Variants in PCBD2 observed in about 807,000 individuals in gnomAD.
PCBD2 encodes the protein pterin-4-alpha-carbinolamine dehydratase 2.
In PCBD2, 12 loss-of-function variants were observed where a neutral mutation model predicts 16.4. The observed-to-expected ratio is 0.73, with a 90% CI of 0.47 to 1.19. The LOEUF (loss-of-function observed/expected upper bound fraction) is 1.19, where lower values mean the gene tolerates loss of function less well. Among genes scored for constraint, PCBD2 ranks in the 50% most tolerant of loss-of-function variants. The pLI is 0.00. For missense variants in PCBD2, 138 were observed against 156.8 expected, an observed-to-expected ratio of 0.88 and a Z score of 0.64; for synonymous variants, 58 against 61.8, an observed-to-expected ratio of 0.94 and a Z score of 0.29.
At chr5:134,910,080 A>G (rs1278935643) in intron 1 of PCBD2, among the ~76,000 whole-genome samples, 3 of 152,106 alleles carry the variant, frequency 2.0e-5, no homozygotes, top group Non-Finnish European at 4.4e-5. Flanking sequence ...GAAACAACCA[A>G]CCAACCAACC....
chr5:134,938,416 A>C (rs1256080316), intron 2 of PCBD2, among the ~76,000 whole-genome samples: 1 of 152,188 alleles, frequency 6.6e-6, no homozygotes, highest in Non-Finnish European at 1.5e-5. Context: ...TTTGTTTATA[A>C]AATGATGTGG....
At chr5:134,939,753 A>G (rs529234213) in intron 2 of PCBD2, among the ~76,000 whole-genome samples, 81 of 152,274 alleles carry the variant, frequency 5.3e-4, no homozygotes, top group Middle Eastern at 3.4e-3. Context: ...TAGATTGGAC[A>G]CTTAACTACC....
At chr5:134,917,292 G>T (rs1317107572) in intron 2 of PCBD2, among the ~76,000 whole-genome samples, 1 of 152,238 alleles carries the variant, frequency 6.6e-6, no homozygotes, top group Non-Finnish European at 1.5e-5. Context: ...GCCGGGCCAG[G>T]CGGCAACACC....
chr5:134,933,915 A>G (rs1316994153), intron 2 of PCBD2, among the ~76,000 whole-genome samples: 3 of 152,230 alleles, frequency 2.0e-5, no homozygotes, highest in East Asian at 1.9e-4. Flanking sequence ...TGTAGCCACC[A>G]TTCTCACAGC....
intron 2 of PCBD2, among the ~76,000 whole-genome samples, chr5:134,941,761 C>T (rs958743481): frequency 5.3e-5 from 8 of 152,052 alleles, no homozygotes; most frequent in Admixed American, 1.3e-4. Flanking sequence ...AAAAAAACTA[C>T]GTAATAATTT....
intron 2 of PCBD2, among the ~76,000 whole-genome samples, chr5:134,922,377 A>G (rs1750914995): frequency 2.0e-5 from 3 of 151,304 alleles, no homozygotes; most frequent in Non-Finnish European, 4.4e-5. Context: ...CTTTATTCAA[A>G]CTGTTCTTCT....
intron 2 of PCBD2, among the ~76,000 whole-genome samples, chr5:134,938,148 G>T (rs1016371838): frequency 1.3e-5 from 2 of 152,226 alleles, no homozygotes; most frequent in African/African-American, 4.8e-5. Context: ...CCTTGTGAGT[G>T]TGGGGCTTGA....
At chr5:134,954,746 CTT>C (rs745627366) in intron 2 of PCBD2, among the ~76,000 whole-genome samples, 7 of 144,298 alleles carry the variant, frequency 4.9e-5, no homozygotes, top group Admixed American at 7.0e-5. Context: ...TCAGCAGAAT[CTT>C]TTTTTTTTTT....
intron 2 of PCBD2, among the ~76,000 whole-genome samples, chr5:134,932,212 C>G (rs1383966330): frequency 2.6e-5 from 4 of 152,028 alleles, no homozygotes; most frequent in Non-Finnish European, 5.9e-5. Context: ...GATGGGGTCT[C>G]TGTTGCTTAG....
chr5:134,920,942 A>G lies in PCBD2; in HGVS notation c.216+10476A>G, dbSNP rs555368603. ...TGGCCTCCCAAAGTGTTGGGAATAC[A>G]GGCGTTGAGCCCAGCTGCTGAGGCT... On this transcript the variant is annotated intron_variant, in intron 2 of 3. Coordinates refer to ENST00000254908, the MANE Select transcript of PCBD2 (RefSeq NM_032151.5). Among the ~76,000 whole-genome samples the G allele has an allele frequency of 2.0e-5, 3 of 152,378 alleles. No individual in the cohort carries two copies. The East Asian group carries it at 5.8e-4, about 29-fold the overall frequency.
chr5:134,910,550 G>A, intron 2 of PCBD2, 84 bp downstream of exon 2: 1 of 1,463,964 alleles, frequency 6.8e-7, no homozygotes, highest in Non-Finnish European at 9.4e-7. Flanking sequence ...CCAGTTGTCT[G>A]GTCCCATGTA....
At chr5:134,905,301 C>G in intron 1 of PCBD2, 78 bp downstream of exon 1, 1 of 1,167,182 alleles carries the variant, frequency 8.6e-7, no homozygotes, top group East Asian at 3.3e-5. Context: ...GGCTGAGGGA[C>G]CAGCGGGACT....
chr5:134,907,401 G>A (rs1228460162), intron 1 of PCBD2, among the ~76,000 whole-genome samples: 3 of 152,016 alleles, frequency 2.0e-5, no homozygotes, highest in Non-Finnish European at 4.4e-5. Flanking sequence ...GTGCCACCAC[G>A]CTTGGCTAAT....
chr5:134,908,986 A>G (rs1440051620), intron 1 of PCBD2: 2 of 152,350 alleles, frequency 1.3e-5, no homozygotes, highest in South Asian at 4.1e-4. Flanking sequence ...CTGAGCCTAC[A>G]GTAACTCTGC....
At chr5:134,925,519 A>C (rs2149533331) in intron 2 of PCBD2, 3 of 398,454 alleles carry the variant, frequency 7.5e-6, no homozygotes, top group Non-Finnish European at 1.3e-5. Context: ...GATTGTGACT[A>C]TTATAAGTCC....
At chr5:134,909,217 G>C (rs1750734878) in intron 1 of PCBD2, among the ~76,000 whole-genome samples, 1 of 152,216 alleles carries the variant, frequency 6.6e-6, no homozygotes, top group Admixed American at 6.5e-5. Context: ...CAAGTGCTTT[G>C]GACTGGGCAG....
chr5:134,906,674 G>T (rs1750694790), intron 1 of PCBD2, among the ~76,000 whole-genome samples: 1 of 152,094 alleles, frequency 6.6e-6, no homozygotes, highest in Non-Finnish European at 1.5e-5. Context: ...TTTGAGCGCT[G>T]CCCCATGCCA....
intron 2 of PCBD2, among the ~76,000 whole-genome samples, chr5:134,939,654 C>T (rs1751201550): frequency 6.6e-6 from 1 of 152,074 alleles, no homozygotes; most frequent in African/African-American, 2.4e-5. Context: ...CATGAGACAC[C>T]CAAGAAGGTT....
chr5:134,917,588 A>T (rs1750849299), intron 2 of PCBD2, among the ~76,000 whole-genome samples: 1 of 152,172 alleles, frequency 6.6e-6, no homozygotes, highest in Admixed American at 6.5e-5. Context: ...ATTCAGTCAT[A>T]TTGGATGGAA....
Sources: gnomAD v4.1 joint callset for allele counts (sites outside exome capture counted in the v4.1 genomes callset) on GRCh38, gnomAD v4.1.1 for gene constraint, MANE v1.5 for transcripts, NCBI Gene and HGNC (gene_info 2026-07-23, HGNC 2026-07-21) for gene names.